Variants in RB1CC1 observed in about 807,000 individuals in gnomAD.
RB1CC1 encodes RB1-inducible coiled-coil protein 1.
RB1CC1 carries 46 observed loss-of-function variants against 177.5 expected under a neutral mutation model. The observed-to-expected ratio is 0.26, with a 90% CI of 0.20 to 0.33. RB1CC1 has a LOEUF of 0.33. Among genes scored for constraint, RB1CC1 ranks in the 10% least tolerant of loss-of-function variants. RB1CC1 has a pLI of 1.00. For synonymous variants in RB1CC1, 666 were observed against 613.6 expected, an observed-to-expected ratio of 1.09 and a Z score of -1.26; for missense variants, 1,703 against 1,816.3, an observed-to-expected ratio of 0.94 and a Z score of 1.13.
intron 15 of RB1CC1, among the ~76,000 whole-genome samples, chr8:52,649,119 A>C (rs748027287): frequency 6.6e-6 from 1 of 152,234 alleles, no homozygotes; most frequent in Admixed American, 6.5e-5. Flanking sequence ...GCGAAATCAC[A>C]TAAAACGAAA....
At chr8:52,631,110 G>T (rs1848720874) in intron 20 of RB1CC1, among the ~76,000 whole-genome samples, 1 of 152,120 alleles carries the variant, frequency 6.6e-6, no homozygotes, top group Admixed American at 6.5e-5. Context: ...TTTCCAAATA[G>T]GGTAAATGTG....
Position 52,656,141 on chromosome 8 carries a change from A to G in RB1CC1, c.3688T>C (p.Leu1230=). The G allele has an allele frequency of 1.2e-6, 2 of 1,613,822 alleles. No homozygotes were observed. Among genetic ancestry groups the G allele is most frequent in the African/African-American group, 2.7e-5 (2 of 75,024 alleles). ...VSSQEQDREQ[L]IQKLNCEKDE... ...TTTTCACAATTAAGCTTCTGAATTA[A>G]CTGTTCTCTGTCTTGCTCCTGGCTG... is the stretch of plus-strand genomic sequence containing the variant. Residue 1230 remains leucine (L), a synonymous_variant, in exon 15 of 24, where the codon TTA becomes CTA. Transcript: ENST00000025008.
chr8:52,657,628 G>C lies in RB1CC1; in HGVS notation c.2201C>G (p.Ser734Cys), dbSNP rs1851194977. 15 of 1,614,086 alleles carry C rather than the reference G, an allele frequency of 9.3e-6. No homozygotes were observed. Among genetic ancestry groups the C allele is most frequent in the Non-Finnish European group, 1.2e-5 (14 of 1,180,004 alleles). The change falls in exon 15 of 24, where the codon TCT becomes TGT. Residue 734 changes from serine to cysteine, a missense_variant. Around this residue, in one of 6 missense-constraint regions of RB1CC1, gnomAD observed 1,169 missense variants for 1,184.7 expected, o/e 0.99. Transcript: ENST00000025008. ...LAESPESDFM[S>C]AVNEFVIEEN... ...TTCTATTACAAACTCATTCACAGCAGACATAAAATCTGATTCAGGACTTTC... is the reference window on the plus strand; with the variant it reads ...TTCTATTACAAACTCATTCACAGCACACATAAAATCTGATTCAGGACTTTC...
Position 52,660,644 on chromosome 8 carries a change from TAA to T in RB1CC1, c.1639_1640del (p.Leu547LysfsTer6). 1 of 1,599,240 alleles carries T rather than the reference TAA, an allele frequency of 6.3e-7. No individual in the cohort carries two copies. ...CCAGTCCCCTAAACAGACGATTTCT[TAA>T]AAAAGACTTCCCTGTATAAAGAAAT... ...SFGKLFRKSFLRNRLFRGLDS... is the reference protein window; with the variant it reads ...SFGKLFRKSFXRNRLFRGLDS... On this transcript the variant is annotated frameshift_variant, in exon 12 of 24. Transcript: ENST00000025008. LOFTEE classifies it high-confidence loss of function.
intron 20 of RB1CC1, among the ~76,000 whole-genome samples, chr8:52,633,147 T>C (rs1848882572): frequency 6.6e-6 from 1 of 152,170 alleles, no homozygotes; most frequent in Non-Finnish European, 1.5e-5. Flanking sequence ...CTAAAATGTA[T>C]AAAACCAAGC....
intron 16 of RB1CC1, among the ~76,000 whole-genome samples, chr8:52,645,032 T>C (rs978919251): frequency 1.3e-5 from 2 of 152,196 alleles, no homozygotes; most frequent in African/African-American, 2.4e-5. Flanking sequence ...AATTATGCCA[T>C]TGTAATTAGT....
Position 52,656,185 on chromosome 8 carries a change from T to A in RB1CC1, c.3644A>T (p.Asp1215Val), listed in dbSNP as rs755152173. The change falls in exon 15 of 24, where the codon GAC (aspartate) becomes GTC (valine). Residue 1215 changes from aspartate to valine, a missense_variant. This residue lies in a region of RB1CC1 where 1,169 missense variants were observed against 1,184.7 expected (regional missense o/e 0.99). Coordinates refer to ENST00000025008, the MANE Select transcript of RB1CC1 (RefSeq NM_014781.5). ...YEAIIQNLEK[D>V]RQKLVSSQEQ... is the part of the protein sequence containing the mutation. ...CTGGCTGCTGACCAATTTTTGTCTG[T>A]CTTTCTCAAGGTTCTGGATAATAGC... 3.1e-6 allele frequency: 5 copies of A among 1,613,716 alleles called. No individual in the cohort carries two copies. In the South Asian group the frequency reaches 5.5e-5, roughly 18 times the overall value.
At chr8:52,660,735 T>C (rs933271283) in intron 11 of RB1CC1, 78 bp from the exon 12 acceptor site, 10 of 1,351,830 alleles carry the variant, frequency 7.4e-6, no homozygotes, top group African/African-American at 5.9e-5. Context: ...TTTGAAAAGG[T>C]AAATTAAAAG....
intron 15 of RB1CC1, among the ~76,000 whole-genome samples, chr8:52,654,017 G>A (rs893996407): frequency 2.0e-5 from 3 of 152,144 alleles, no homozygotes; most frequent in Admixed American, 6.5e-5. Flanking sequence ...CTCACTTCAC[G>A]ACACAGGGGA....
chr8:52,674,298 G>A (rs1189494587), intron 6 of RB1CC1, 24 bp from the exon 7 acceptor site: 7 of 1,540,820 alleles, frequency 4.5e-6, no homozygotes, highest in Non-Finnish European at 5.4e-6. Context: ...AGATCTGTCA[G>A]TAAAACTATG....
intron 1 of RB1CC1, among the ~76,000 whole-genome samples, chr8:52,704,751 G>A (rs927240113): frequency 3.9e-5 from 6 of 152,050 alleles, no homozygotes; most frequent in East Asian, 1.9e-4. Context: ...GTTAAGTAAG[G>A]TACAAGCACA....
intron 3 of RB1CC1, 27 bp from the exon 4 acceptor site, chr8:52,684,040 AGTT>A (rs746043881): frequency 6.3e-7 from 1 of 1,597,306 alleles, no homozygotes; most frequent in Non-Finnish European, 8.5e-7. Context: ...AAAATAAATC[AGTT>A]GTTTATATTT....
chr8:52,660,228 AAGG>A (rs1021652930), intron 12 of RB1CC1, among the ~76,000 whole-genome samples: 2 of 152,074 alleles, frequency 1.3e-5, no homozygotes, highest in Non-Finnish European at 2.9e-5. Flanking sequence ...ATAGAAGGGC[AAGG>A]AGGAGGTGGA....
intron 18 of RB1CC1, among the ~76,000 whole-genome samples, chr8:52,640,059 T>C (rs1273598691): frequency 1.3e-5 from 2 of 152,212 alleles, no homozygotes; most frequent in South Asian, 2.1e-4. Context: ...TTAATTCATT[T>C]AAAAATAAAG....
At chr8:52,661,418 G>T in intron 9 of RB1CC1, 117 bp downstream of exon 9, 2 of 1,449,662 alleles carry the variant, frequency 1.4e-6, no homozygotes, top group Non-Finnish European at 1.9e-6. Flanking sequence ...TAATTCCAAA[G>T]TTCATCAATA....
At chr8:52,696,277 C>G (rs1323921938) in intron 1 of RB1CC1, among the ~76,000 whole-genome samples, 1 of 151,762 alleles carries the variant, frequency 6.6e-6, no homozygotes. Context: ...CTCCTGACCT[C>G]ATGATCCACC....
rs183206974 is a variant in RB1CC1 at position 52,635,814 on chromosome 8, G to A, written c.4392+201C>T. Among the ~76,000 whole-genome samples, 580 of 152,126 alleles carry A rather than the reference G, an allele frequency of 3.8e-3. 3 individuals carry two copies. The highest frequency in any genetic ancestry group is 0.012 in the African/African-American group (519 of 41,534). Reference sequence around the variant, plus strand: ...TTGGGAAATTACAACAAATGGGAGGGCTGAAATACTGTCAACTGTTTAGCT... The same window carrying A: ...TTGGGAAATTACAACAAATGGGAGGACTGAAATACTGTCAACTGTTTAGCT... On this transcript the variant is annotated intron_variant, in intron 19 of 23. Coordinates refer to ENST00000025008, the MANE Select transcript of RB1CC1 (RefSeq NM_014781.5).
Position 52,657,073 on chromosome 8 carries a change from T to C in RB1CC1, c.2756A>G (p.Glu919Gly). The C allele has an allele frequency of 6.2e-7, 1 of 1,611,988 alleles. No individual in the cohort carries two copies. The highest frequency in any genetic ancestry group is 1.3e-5 in the African/African-American group (1 of 74,794). ...CTGCAGGCAGATTACAGCTTCTTTT[T>C]CATGTTTAACCAAAGCAAATTCATT... is the stretch of plus-strand genomic sequence containing the variant. Reference protein sequence around the residue: ...KDNEFALVKHEKEAVICLQNE... With the variant: ...KDNEFALVKHGKEAVICLQNE... Residue 919 changes from glutamate to glycine, a missense_variant, in exon 15 of 24, where the codon GAA (glutamate) becomes GGA (glycine). This residue lies in a region of RB1CC1 where 1,169 missense variants were observed against 1,184.7 expected (regional missense o/e 0.99). Coordinates refer to ENST00000025008, the MANE Select transcript of RB1CC1 (RefSeq NM_014781.5).
At chr8:52,647,338 C>G (rs1237723097) in intron 15 of RB1CC1, among the ~76,000 whole-genome samples, 1 of 152,084 alleles carries the variant, frequency 6.6e-6, no homozygotes, top group African/African-American at 2.4e-5. Flanking sequence ...TAGGAATCCC[C>G]TATTTCATAA....
Sources: gnomAD v4.1 joint callset for allele counts (sites outside exome capture counted in the v4.1 genomes callset) on GRCh38, gnomAD v4.1.1 for gene constraint, gnomAD v4.1.1 regional missense constraint, MANE v1.5 for transcripts, NCBI Gene and HGNC (gene_info 2026-07-23, HGNC 2026-07-21) for gene names.